RHPN2: variants seen among roughly 807,000 people sequenced by gnomAD.
RHPN2 encodes the protein rhophilin-2.
In RHPN2, 40 loss-of-function variants were observed where a neutral mutation model predicts 79.0. The ratio of observed to expected loss-of-function variants is 0.51; its 90% CI spans 0.39 to 0.66. The LOEUF (loss-of-function observed/expected upper bound fraction) is 0.66, where lower values mean the gene tolerates loss of function less well. Ranked by LOEUF, RHPN2 falls within the 30% of genes least tolerant of loss-of-function variation. The probability of loss-of-function intolerance (pLI) is 0.00; values close to 1 mark genes in which losing one functional copy is unlikely to be tolerated. For missense variants in RHPN2, 686 were observed against 883.5 expected, an observed-to-expected ratio of 0.78 and a Z score of 2.83; for synonymous variants, 285 against 363.5, an observed-to-expected ratio of 0.78 and a Z score of 2.46.
intron 1 of RHPN2, among the ~76,000 whole-genome samples, chr19:33,050,284 G>A (rs529728213): frequency 3.9e-5 from 6 of 152,288 alleles, no homozygotes; most frequent in South Asian, 2.1e-4. Context: ...CAGATTTGGC[G>A]ATGTCATCTG....
intron 10 of RHPN2, among the ~76,000 whole-genome samples, chr19:32,996,867 A>T (rs1370895423): frequency 1.4e-4 from 22 of 152,134 alleles, no homozygotes; most frequent in Admixed American, 1.4e-3. Context: ...GGTTACAACA[A>T]GCCTTTTATT....
intron 4 of RHPN2, among the ~76,000 whole-genome samples, chr19:33,016,549 T>C (rs7252298): frequency 0.31 from 47,076 of 151,634 alleles, 8,686 homozygotes; most frequent in African/African-American, 0.51. Context: ...GGTGTGGTGG[T>C]GGGTGCCTGT....
chr19:33,029,418 C>T (rs549954250), intron 2 of RHPN2, among the ~76,000 whole-genome samples: 6 of 150,922 alleles, frequency 4.0e-5, no homozygotes, highest in East Asian at 2.0e-4. Context: ...CCCAGCTACT[C>T]GGGGGGCTGA....
At chr19:33,032,429 A>T (rs1159396512) in intron 2 of RHPN2, among the ~76,000 whole-genome samples, 4 of 151,936 alleles carry the variant, frequency 2.6e-5, no homozygotes, top group African/African-American at 9.7e-5. Context: ...TGTAGGGAGG[A>T]GCTGAAATTT....
chr19:32,998,979 C>CAGAGGGGAGG (rs1420972424), intron 10 of RHPN2, among the ~76,000 whole-genome samples: 66 of 82,864 alleles, frequency 8.0e-4, no homozygotes, highest in Middle Eastern at 0.032. Flanking sequence ...GGGAGGGGAA[C>CAGAGGGGAGG]AGAGGGGAGG....
intron 1 of RHPN2, among the ~76,000 whole-genome samples, chr19:33,047,877 A>G (rs12459751): frequency 0.15 from 23,213 of 152,014 alleles, 2,072 homozygotes; most frequent in South Asian, 0.36. Context: ...GCGCCACTGC[A>G]CTCCAGCCTG....
intron 3 of RHPN2, among the ~76,000 whole-genome samples, chr19:33,026,183 G>T (rs922437169): frequency 6.6e-6 from 1 of 151,704 alleles, no homozygotes; most frequent in Admixed American, 6.6e-5. Context: ...CAGAGACGGG[G>T]TTTCACCATG....
intron 1 of RHPN2, among the ~76,000 whole-genome samples, chr19:33,060,993 C>T (rs2161225): frequency 0.41 from 62,699 of 151,964 alleles, 16,336 homozygotes; most frequent in African/African-American, 0.73. Context: ...CGTGTCAAAG[C>T]GGTCTTTTTC....
At chr19:32,984,019 T>G (rs1971597140) in intron 14 of RHPN2, among the ~76,000 whole-genome samples, 1 of 152,208 alleles carries the variant, frequency 6.6e-6, no homozygotes, top group Non-Finnish European at 1.5e-5. Context: ...GAGCACAGTT[T>G]AAAACCACTG....
chr19:33,053,797 C>T (rs1003092163), intron 1 of RHPN2, among the ~76,000 whole-genome samples: 1 of 151,836 alleles, frequency 6.6e-6, no homozygotes, highest in African/African-American at 2.4e-5. Flanking sequence ...ACTCCTAAGA[C>T]CTCAGGTGAT....
intron 13 of RHPN2, 93 bp from the exon 14 acceptor site, chr19:32,990,762 G>C (rs978991408): frequency 6.7e-7 from 1 of 1,497,170 alleles, no homozygotes; most frequent in Admixed American, 1.8e-5. Context: ...GCGTAAGTTC[G>C]CATCAAGAAA....
rs1289739894 is a variant in RHPN2, at chr19:32,988,468, TGCCATG to T, written c.1800+2040_1800+2045del. On this transcript the variant is annotated intron_variant, in intron 14 of 14. Coordinates refer to ENST00000254260, the MANE Select transcript of RHPN2 (RefSeq NM_033103.5). ...CACTAATGTCACCAGCCTGGACAAG[TGCCATG>T]GCCAGTCTCCGGCAGCAGACGCCCT... Among the ~76,000 whole-genome samples the T allele has an allele frequency of 2.0e-5, 3 of 152,276 alleles. No homozygotes were observed. The East Asian group carries it at 5.8e-4, about 29-fold the overall frequency.
At chr19:33,016,772 T>G (rs1410390180) in intron 4 of RHPN2, among the ~76,000 whole-genome samples, 1 of 152,228 alleles carries the variant, frequency 6.6e-6, no homozygotes, top group Non-Finnish European at 1.5e-5. Context: ...CAAGTCAGAT[T>G]TGAAATGGAA....
intron 2 of RHPN2, among the ~76,000 whole-genome samples, chr19:33,039,439 C>A (rs944261182): frequency 6.6e-6 from 1 of 152,126 alleles, no homozygotes; most frequent in African/African-American, 2.4e-5. Context: ...AATTTCATCA[C>A]CCCCGTCCAG....
At chr19:33,009,107 G>C (rs12975292) in intron 6 of RHPN2, among the ~76,000 whole-genome samples, 30,095 of 151,844 alleles carry the variant, frequency 0.2, 3,077 homozygotes, top group Middle Eastern at 0.28. Flanking sequence ...AGGACTTAGG[G>C]GGAGGGAGGG....
At chr19:33,036,962 A>C (rs1171310705) in intron 2 of RHPN2, among the ~76,000 whole-genome samples, 6 of 150,760 alleles carry the variant, frequency 4.0e-5, no homozygotes. Context: ...CTATCGACCG[A>C]CCACCCAAGG....
chr19:33,010,061 G>T (rs910467649), intron 6 of RHPN2, among the ~76,000 whole-genome samples: 3 of 152,142 alleles, frequency 2.0e-5, no homozygotes, highest in African/African-American at 7.2e-5. Context: ...TTACAGGCGT[G>T]AGCCACCGCA....
At position 33,011,740 on chromosome 19, in the gene RHPN2, G is replaced by A; in HGVS notation, c.532C>T (p.Leu178=). Residue 178 remains leucine, a synonymous_variant, in exon 6 of 15, where the codon CTG becomes TTG. Coordinates refer to ENST00000254260, the MANE Select transcript of RHPN2 (RefSeq NM_033103.5). ...AAGAATCGACTCTCGACAAAGCCCA[G>A]CTGGATGAAGTATGTCATCAGCAGT... ...VELLMTYFIQ[L]GFVESRFFPP... The A allele has an allele frequency of 6.2e-7, 1 of 1,613,966 alleles. No homozygotes were observed. The highest frequency in any genetic ancestry group is 8.5e-7 in the Non-Finnish European group (1 of 1,179,858).
chr19:33,056,750 A>G (rs1033661696), intron 1 of RHPN2, among the ~76,000 whole-genome samples: 2 of 152,106 alleles, frequency 1.3e-5, no homozygotes, highest in Admixed American at 6.6e-5. Context: ...AAGCCAGGGA[A>G]AGCTGGGTGC....
Sources: gnomAD v4.1 joint callset for allele counts (sites outside exome capture counted in the v4.1 genomes callset) on GRCh38, gnomAD v4.1.1 for gene constraint, MANE v1.5 for transcripts, NCBI Gene and HGNC (gene_info 2026-07-23, HGNC 2026-07-21) for gene names.